Variants in CAMK2N1 observed in about 807,000 individuals in gnomAD.
CAMK2N1 encodes calcium/calmodulin-dependent protein kinase II inhibitor 1.
Under a neutral mutation model 6.4 loss-of-function variants are expected in CAMK2N1, and 2 were observed. That is an observed-to-expected ratio of 0.31 (90% CI 0.13 to 0.98). The LOEUF (loss-of-function observed/expected upper bound fraction) is 0.98, where lower values mean the gene tolerates loss of function less well. Among genes scored for constraint, CAMK2N1 ranks in the 50% least tolerant of loss-of-function variants. The probability of loss-of-function intolerance (pLI) is 0.51; values close to 1 mark genes in which losing one functional copy is unlikely to be tolerated. For missense variants in CAMK2N1, 77 were observed against 107.3 expected (o/e 0.72, Z 1.25); for synonymous variants, 42 against 47.5 (o/e 0.88, Z 0.47).
Position 20,486,053 on chromosome 1 carries a change from T to A in CAMK2N1, c.-674A>T, listed in dbSNP as rs879400902. The A allele has an allele frequency of 1.5e-5, 1 of 65,224 alleles. No homozygotes were observed. Among genetic ancestry groups the A allele is most frequent in the Non-Finnish European group, 3.1e-5 (1 of 31,888 alleles). 4.0% of individuals were successfully genotyped at this position (65,224 alleles called of 1,614,324 possible). On this transcript the variant is annotated 5_prime_UTR_variant, in exon 1 of 2. Coordinates refer to ENST00000375078, the MANE Select transcript of CAMK2N1 (RefSeq NM_018584.6). This position sits in a 1 kb window ranked among gnomAD's most constrained non-coding sequence, Gnocchi z 6.5. ...GGAGGAGAAAGAAGAAAAGGTGGGG[T>A]GGGGGACGAGCTAGAACGGAGAGAC...
At position 20,485,070 on chromosome 1, in the gene CAMK2N1, C is replaced by A. The variant is rs2051499598; in HGVS notation, c.166+144G>T. On this transcript the variant is annotated intron_variant, in intron 1 of 1. Transcript: ENST00000375078. The surrounding 1 kb of genome is among the most constrained non-coding windows in gnomAD (Gnocchi z 8.4). The stretch of plus-strand genomic sequence containing the variant: ...GTTCCTGCGACCCGCTTCAGCCGGA[C>A]CCGCAGTGCGGGATCCCCCAATTCT... 2.4e-5 allele frequency: 23 copies of A among 971,112 alleles called. No homozygotes were observed. The highest frequency in any genetic ancestry group is 3.0e-5 in the Non-Finnish European group (21 of 702,160). 60.2% of individuals were successfully genotyped at this position (971,112 alleles called of 1,614,324 possible).
chr1:20,483,801 T>A, intron 1 of CAMK2N1, 82 bp from the exon 2 acceptor site: 2 of 1,305,250 alleles, frequency 1.5e-6, no homozygotes, highest in Non-Finnish European at 2.2e-6. Flanking sequence ...ATGCCCAGAG[T>A]GGGAGGTCGG....
rs2051503319 is a variant in CAMK2N1, at chr1:20,485,413, T to C, written c.-34A>G. The C allele has an allele frequency of 1.6e-6, 2 of 1,263,382 alleles. No individual in the cohort carries two copies. Among genetic ancestry groups the C allele is most frequent in the Non-Finnish European group, 2.0e-6 (2 of 1,000,430 alleles). 78.3% of individuals were successfully genotyped at this position (1,263,382 alleles called of 1,614,324 possible). ...CCGGGGGCTCCGCCGCGGCGCCTCC[T>C]CCGCCCGCGTCCCCGCCCGCGGCGG... On this transcript the variant is annotated 5_prime_UTR_variant, in exon 1 of 2. Coordinates refer to ENST00000375078, the MANE Select transcript of CAMK2N1 (RefSeq NM_018584.6). The surrounding 1 kb of genome is among the most constrained non-coding windows in gnomAD (Gnocchi z 8.4).
In CAMK2N1 at chr1:20,485,154, C is replaced by G; in HGVS notation, c.166+60G>C. The G allele has an allele frequency of 6.6e-7, 1 of 1,525,322 alleles. No individual in the cohort carries two copies. The highest frequency in any genetic ancestry group is 8.8e-7 in the Non-Finnish European group (1 of 1,138,530). The allele number at this position is 1,525,322 out of a possible 1,614,324, so 94.5% of individuals were successfully genotyped here. On this transcript the variant is annotated intron_variant, in intron 1 of 1. Coordinates refer to ENST00000375078, the MANE Select transcript of CAMK2N1 (RefSeq NM_018584.6). This position sits in a 1 kb window ranked among gnomAD's most constrained non-coding sequence, Gnocchi z 8.4. ...CCAGCGGGTGGGAGACCTCCGCAAC[C>G]CTTGTTCAGGCCGCGGCGCGGGAAA...
Position 20,484,155 on chromosome 1 carries a change from G to A in CAMK2N1, c.167-436C>T, listed in dbSNP as rs2051491267. ...GGTGGGCAAGGCTAGGTGCGGAGAT[G>A]AGCGGAACCAGGAGGGGACGCCAAA... On this transcript the variant is annotated intron_variant, in intron 1 of 1. Transcript: ENST00000375078. This position sits in a 1 kb window ranked among gnomAD's most constrained non-coding sequence, Gnocchi z 6.8. Among the ~76,000 whole-genome samples, 1 of 152,198 alleles carries A rather than the reference G, an allele frequency of 6.6e-6. No individual in the cohort carries two copies. The highest frequency in any genetic ancestry group is 1.5e-5 in the Non-Finnish European group (1 of 68,032).
At position 20,484,209 on chromosome 1, in the gene CAMK2N1, G is replaced by A. The variant is rs1054517967; in HGVS notation, c.167-490C>T. Among the ~76,000 whole-genome samples, 26 of 152,148 alleles carry A rather than the reference G, an allele frequency of 1.7e-4. No homozygotes were observed. Among genetic ancestry groups the A allele is most frequent in the African/African-American group, 6.3e-4 (26 of 41,454 alleles). On this transcript the variant is annotated intron_variant, in intron 1 of 1. Coordinates refer to ENST00000375078, the MANE Select transcript of CAMK2N1 (RefSeq NM_018584.6). The surrounding 1 kb of genome is among the most constrained non-coding windows in gnomAD (Gnocchi z 6.8). ...GGTTCCCACGACGCGCAGCGGGTGG[G>A]GGTTAGGGCCTGGCCTGGGCGGGCG...
rs1158049459 is a variant in CAMK2N1 at position 20,485,712 on chromosome 1, G to A, written c.-333C>T. 1 of 151,654 alleles carries A rather than the reference G, an allele frequency of 6.6e-6. No individual in the cohort carries two copies. Among genetic ancestry groups the A allele is most frequent in the Non-Finnish European group, 1.5e-5 (1 of 67,632 alleles). The allele number at this position is 151,654 out of a possible 1,614,324, so 9.4% of individuals were successfully genotyped here. ...GCCGGGCGGGGCCGCGAGCCGGGAGGGAGGAGACGTCCCTGCGAGCCCGGA... is the reference window on the plus strand; with the variant it reads ...GCCGGGCGGGGCCGCGAGCCGGGAGAGAGGAGACGTCCCTGCGAGCCCGGA... On this transcript the variant is annotated 5_prime_UTR_variant, in exon 1 of 2. Transcript: ENST00000375078. This position sits in a 1 kb window ranked among gnomAD's most constrained non-coding sequence, Gnocchi z 8.4.
rs376254595 is a variant in CAMK2N1 at position 20,484,883 on chromosome 1, G to A, written c.166+331C>T. ...GTCCCTGGGACCCCCTCCCCACAGG[G>A]TTATGGAGCGAGTGCAGCTGTGACT... On this transcript the variant is annotated intron_variant, in intron 1 of 1. Coordinates refer to ENST00000375078, the MANE Select transcript of CAMK2N1 (RefSeq NM_018584.6). This position sits in a 1 kb window ranked among gnomAD's most constrained non-coding sequence, Gnocchi z 6.8. Among the ~76,000 whole-genome samples, 216 of 152,300 alleles carry A rather than the reference G, an allele frequency of 1.4e-3. No individual in the cohort carries two copies. Among genetic ancestry groups the A allele is most frequent in the African/African-American group, 5.1e-3 (211 of 41,580 alleles).
At chr1:20,483,928 A>AGCCT (rs1249272924) in intron 1 of CAMK2N1, among the ~76,000 whole-genome samples, 1 of 152,138 alleles carries the variant, frequency 6.6e-6, no homozygotes, top group Non-Finnish European at 1.5e-5. Context: ...TCTATCCTCC[A>AGCCT]GCCTGCGTCC....
Position 20,484,339 on chromosome 1 carries a change from C to T in CAMK2N1, c.167-620G>A, listed in dbSNP as rs1161365023. The stretch of plus-strand genomic sequence containing the variant: ...GCCTCCCTTCGCTGCCTGCCAGGGA[C>T]ACATGCCGTAACCTCGGCCTCTCTT... On this transcript the variant is annotated intron_variant, in intron 1 of 1. Coordinates refer to ENST00000375078, the MANE Select transcript of CAMK2N1 (RefSeq NM_018584.6). The surrounding 1 kb of genome is among the most constrained non-coding windows in gnomAD (Gnocchi z 6.8). 1 of 152,600 alleles carries T rather than the reference C, an allele frequency of 6.6e-6. No homozygotes were observed. Among genetic ancestry groups the T allele is most frequent in the African/African-American group, 2.4e-5 (1 of 41,470 alleles). The allele number at this position is 152,600 out of a possible 1,614,324, so 9.5% of individuals were successfully genotyped here. A position where few individuals can be genotyped will look rare whatever the true frequency, so the allele number is the denominator to read the frequency against.
rs753588194 is a variant in CAMK2N1, at chr1:20,482,891, G to GTGTT, written c.*757_*758insAACA. 1 of 148,462 alleles carries GTGTT rather than the reference G, an allele frequency of 6.7e-6. No homozygotes were observed. The highest frequency in any genetic ancestry group is 1.9e-4 in the East Asian group (1 of 5,140). The allele number at this position is 148,462 out of a possible 1,614,324, so 9.2% of individuals were successfully genotyped here. A position where few individuals can be genotyped will look rare whatever the true frequency, so the allele number is the denominator to read the frequency against. The stretch of plus-strand genomic sequence containing the variant: ...TGTGTGTGTGTGTGTGTGTGTGTGT[G>GTGTT]TTTTTCTGACATAAAAAATGTGTCC... On this transcript the variant is annotated 3_prime_UTR_variant, in exon 2 of 2. Transcript: ENST00000375078.
Position 20,485,900 on chromosome 1 carries a change from G to A in CAMK2N1, c.-521C>T, listed in dbSNP as rs1184439113. ...GGGAGAGAGGAGGGAGGGCACCGGG[G>A]AGGAAACCCGGAGGGAGGGTGGGGG... On this transcript the variant is annotated 5_prime_UTR_variant, in exon 1 of 2. Transcript: ENST00000375078. The surrounding 1 kb of genome is among the most constrained non-coding windows in gnomAD (Gnocchi z 8.4). 2 of 147,438 alleles carry A rather than the reference G, an allele frequency of 1.4e-5. No individual in the cohort carries two copies. The highest frequency in any genetic ancestry group is 2.1e-4 in the East Asian group (1 of 4,816). 9.1% of individuals were successfully genotyped at this position (147,438 alleles called of 1,614,324 possible).
rs2051510796 is a variant in CAMK2N1 at position 20,486,026 on chromosome 1, G to C, written c.-647C>G. On this transcript the variant is annotated 5_prime_UTR_variant, in exon 1 of 2. Transcript: ENST00000375078. The surrounding 1 kb of genome is among the most constrained non-coding windows in gnomAD (Gnocchi z 6.5). Reference sequence around the variant, plus strand: ...ACAGAGGAGAGGGGGAGAGGAAGGAGAGGAGGAGAAAGAAGAAAAGGTGGG... The same window carrying C: ...ACAGAGGAGAGGGGGAGAGGAAGGACAGGAGGAGAAAGAAGAAAAGGTGGG... The C allele has an allele frequency of 6.6e-6, 1 of 151,634 alleles. No individual in the cohort carries two copies. Among genetic ancestry groups the C allele is most frequent in the Non-Finnish European group, 1.5e-5 (1 of 68,236 alleles). The allele number at this position is 151,634 out of a possible 1,614,324, so 9.4% of individuals were successfully genotyped here. A position where few individuals can be genotyped will look rare whatever the true frequency, so the allele number is the denominator to read the frequency against.
Position 20,483,536 on chromosome 1 carries a change from C to T in CAMK2N1, c.*113G>A. ...ACCAGATACAGGTTGTTGATTTCAT[C>T]GTGGGTAGCAAGCTAGTAATAAATT... is the stretch of plus-strand genomic sequence containing the variant. On this transcript the variant is annotated 3_prime_UTR_variant, in exon 2 of 2. Coordinates refer to ENST00000375078, the MANE Select transcript of CAMK2N1 (RefSeq NM_018584.6). The T allele has an allele frequency of 1.1e-6, 1 of 909,742 alleles. No individual in the cohort carries two copies. The highest frequency in any genetic ancestry group is 1.8e-6 in the Non-Finnish European group (1 of 555,708). The allele number at this position is 909,742 out of a possible 1,614,324, so 56.4% of individuals were successfully genotyped here.
rs2051484957 is a variant in CAMK2N1, at chr1:20,483,463, T to C, written c.*186A>G. 8.5e-6 allele frequency: 4 copies of C among 470,598 alleles called. No homozygotes were observed. Among genetic ancestry groups the C allele is most frequent in the Admixed American group, 3.9e-5 (1 of 25,946 alleles). The allele number at this position is 470,598 out of a possible 1,614,324, so 29.2% of individuals were successfully genotyped here. A position where few individuals can be genotyped will look rare whatever the true frequency, so the allele number is the denominator to read the frequency against. On this transcript the variant is annotated 3_prime_UTR_variant, in exon 2 of 2. Transcript: ENST00000375078. ...ATTTTTGCAGAGGAGCCCAGAGCCT[T>C]CTCCTCCTCCTCCTCCTCCTCTCGC...
Position 20,483,357 on chromosome 1 carries a change from C to G in CAMK2N1, c.*292G>C, listed in dbSNP as rs2101104501. 1.1e-5 allele frequency: 2 copies of G among 174,254 alleles called. No homozygotes were observed. The highest frequency in any genetic ancestry group is 2.9e-4 in the East Asian group (2 of 7,000). The allele number at this position is 174,254 out of a possible 1,614,324, so 10.8% of individuals were successfully genotyped here. A position where few individuals can be genotyped will look rare whatever the true frequency, so the allele number is the denominator to read the frequency against. On this transcript the variant is annotated 3_prime_UTR_variant, in exon 2 of 2. Transcript: ENST00000375078. ...TATTAATTTTGACAAATAGCTGCAA[C>G]TGAGACTTCTTTTTATTTCTTTATA...
At position 20,483,432 on chromosome 1, in the gene CAMK2N1, A is replaced by G. The variant is rs968212032; in HGVS notation, c.*217T>C. The G allele has an allele frequency of 3.0e-5, 10 of 332,692 alleles. No individual in the cohort carries two copies. The highest frequency in any genetic ancestry group is 7.8e-4 in the Middle Eastern group (1 of 1,284). The allele number at this position is 332,692 out of a possible 1,614,324, so 20.6% of individuals were successfully genotyped here. A position where few individuals can be genotyped will look rare whatever the true frequency, so the allele number is the denominator to read the frequency against. On this transcript the variant is annotated 3_prime_UTR_variant, in exon 2 of 2. Transcript: ENST00000375078. The stretch of plus-strand genomic sequence containing the variant: ...TTTTTAAAATTTTATTTATTTTTTT[A>G]TTTTTATTTTTGCAGAGGAGCCCAG...
At position 20,483,662 on chromosome 1, in the gene CAMK2N1, G is replaced by A; in HGVS notation, c.224C>T (p.Pro75Leu). The change falls in exon 2 of 2, where the codon CCT becomes CTT. Residue 75 changes from proline to leucine, a missense_variant. Physicochemically the swap from Pro to Leu is moderately conservative, Grantham distance 98. Coordinates refer to ENST00000375078, the MANE Select transcript of CAMK2N1 (RefSeq NM_018584.6). ...DVLKNMTDKA[P>L]PGV is the part of the protein sequence containing the mutation. ...TCTTTGGGGGAGTTAGACACCAGGA[G>A]GTGCCTTGTCGGTCATATTTTTCAG... 1 of 1,613,830 alleles carries A rather than the reference G, an allele frequency of 6.2e-7. No homozygotes were observed. The highest frequency in any genetic ancestry group is 8.5e-7 in the Non-Finnish European group (1 of 1,179,746).
rs1265186294 is a variant in CAMK2N1, at chr1:20,482,512, CTT to C, written c.*1135_*1136del. 2 of 152,578 alleles carry C rather than the reference CTT, an allele frequency of 1.3e-5. No homozygotes were observed. The highest frequency in any genetic ancestry group is 4.8e-5 in the African/African-American group (2 of 41,452). 9.5% of individuals were successfully genotyped at this position (152,578 alleles called of 1,614,324 possible). On this transcript the variant is annotated 3_prime_UTR_variant, in exon 2 of 2. Coordinates refer to ENST00000375078, the MANE Select transcript of CAMK2N1 (RefSeq NM_018584.6). ...GGAACGGGGAAGGGAAGGGAAACCT[CTT>C]GAGGTCCAAAGTTGCAAACAAAAAA...
Sources: gnomAD v4.1 joint callset for allele counts (sites outside exome capture counted in the v4.1 genomes callset) on GRCh38, gnomAD v4.1.1 for gene constraint, Gnocchi (gnomAD v3.1) non-coding constraint, MANE v1.5 for transcripts, NCBI Gene and HGNC (gene_info 2026-07-23, HGNC 2026-07-21) for gene names.